The following GREB1L variants were observed in gnomAD, a reference collection of about 807,000 sequenced individuals.
GREB1L encodes GREB1-like protein.
GREB1L carries 17 observed loss-of-function variants against 200.8 expected under a neutral mutation model. The observed-to-expected ratio is 0.08, with a 90% CI of 0.06 to 0.13. The LOEUF (loss-of-function observed/expected upper bound fraction) is 0.13. Among genes scored for constraint, GREB1L ranks in the 10% least tolerant of loss-of-function variants. The pLI, the probability that GREB1L is intolerant of heterozygous loss-of-function variation, is 1.00. For missense variants in GREB1L, 1,657 were observed against 2,367.7 expected (o/e 0.70, Z 6.23); for synonymous variants, 789 against 893.0 (o/e 0.88, Z 2.08).
At chr18:21,384,870 A>G (rs2040473967) in intron 4 of GREB1L, among the ~76,000 whole-genome samples, 1 of 144,446 alleles carries the variant, frequency 6.9e-6, no homozygotes, top group Non-Finnish European at 1.5e-5. Flanking sequence ...CACTCATCCG[A>G]TATAGAGGAT....
intron 18 of GREB1L, among the ~76,000 whole-genome samples, chr18:21,489,628 G>A (rs1362499918): frequency 3.9e-5 from 6 of 152,064 alleles, no homozygotes; most frequent in African/African-American, 9.7e-5. Context: ...AGAATTTAAC[G>A]TGCATGCAAT....
chr18:21,416,884 A>G (rs1369345987), intron 7 of GREB1L, among the ~76,000 whole-genome samples: 1 of 150,454 alleles, frequency 6.6e-6, no homozygotes, highest in East Asian at 2.0e-4. Context: ...AGAATTAGCC[A>G]GGTGTGTTGG....
chr18:21,377,712 T>A (rs2040129357), intron 2 of GREB1L, among the ~76,000 whole-genome samples: 1 of 151,900 alleles, frequency 6.6e-6, no homozygotes, highest in Admixed American at 6.6e-5. Context: ...AAAATTTTTT[T>A]AAAAAATAGT....
At chr18:21,310,617 G>T (rs1450530934) in intron 1 of GREB1L, among the ~76,000 whole-genome samples, 1 of 152,090 alleles carries the variant, frequency 6.6e-6, no homozygotes, top group Non-Finnish European at 1.5e-5. Flanking sequence ...GATTAAAACA[G>T]TTTTGACTTT....
intron 9 of GREB1L, among the ~76,000 whole-genome samples, chr18:21,440,945 A>G (rs1392043449): frequency 2.0e-5 from 3 of 152,242 alleles, no homozygotes; most frequent in African/African-American, 7.2e-5. Flanking sequence ...ATAGTTTTAA[A>G]GACTACATAG....
rs2037090089 is a variant in GREB1L at position 21,508,101 on chromosome 18, C to G, written c.4369-17C>G. 6.4e-7 allele frequency: 1 copy of G among 1,550,534 alleles called. No homozygotes were observed. Among genetic ancestry groups the G allele is most frequent in the South Asian group, 1.2e-5 (1 of 84,042 alleles). On this transcript the variant is annotated splice_polypyrimidine_tract_variant and intron_variant, in intron 25 of 32. Transcript: ENST00000424526. ...GGGCTTACTTACGTTCCCTCCCTTTCTTCTTTGCAAATGTAGATGTCTGAC... is the reference window on the plus strand; with the variant it reads ...GGGCTTACTTACGTTCCCTCCCTTTGTTCTTTGCAAATGTAGATGTCTGAC...
chr18:21,307,113 TCCCAA>T (rs1270607628), intron 1 of GREB1L, among the ~76,000 whole-genome samples: 1 of 152,224 alleles, frequency 6.6e-6, no homozygotes, highest in Admixed American at 6.5e-5. Flanking sequence ...AATTTCCCAG[TCCCAA>T]CTGTCTTCTG....
chr18:21,458,103 G>A (rs927525747), intron 15 of GREB1L, among the ~76,000 whole-genome samples: 10 of 151,758 alleles, frequency 6.6e-5, no homozygotes, highest in African/African-American at 2.4e-4. Context: ...AGAGTAGCTG[G>A]GATTACAGGC....
At chr18:21,394,436 TGGA>T (rs2040957792) in intron 4 of GREB1L, among the ~76,000 whole-genome samples, 2 of 152,250 alleles carry the variant, frequency 1.3e-5, no homozygotes. Context: ...TGTGAGTTCT[TGGA>T]GGAAGTTATA....
At chr18:21,487,177 A>C (rs754271550) in intron 18 of GREB1L, among the ~76,000 whole-genome samples, 23 of 152,218 alleles carry the variant, frequency 1.5e-4, no homozygotes, top group Admixed American at 7.9e-4. Flanking sequence ...CCAGCTTGAA[A>C]TGCATCTTCT....
intron 17 of GREB1L, among the ~76,000 whole-genome samples, chr18:21,482,739 T>A (rs1444116991): frequency 7.0e-6 from 1 of 141,962 alleles, no homozygotes; most frequent in East Asian, 2.1e-4. Flanking sequence ...GCCAAGAGGG[T>A]AGTGAGACCA....
In GREB1L at chr18:21,430,994, T is replaced by TTTTATTTATTTA. The variant is rs59970232; in HGVS notation, c.833-8495_833-8484dup. ...GTATGTTGTGTTTAATTTTCATTTATTTTATTTATTTATTTATTTATTTAT... is the reference window on the plus strand; with the variant it reads ...GTATGTTGTGTTTAATTTTCATTTATTTTATTTATTTATTTATTTATTTATTTATTTATTTAT... On this transcript the variant is annotated intron_variant, in intron 7 of 32. Transcript: ENST00000424526. 5.5e-3 allele frequency among the ~76,000 whole-genome samples: 781 copies of TTTTATTTATTTA among 141,056 alleles called. 10 individuals are homozygous for TTTTATTTATTTA. Among genetic ancestry groups the TTTTATTTATTTA allele is most frequent in the African/African-American group, 0.019 (712 of 38,198 alleles). The allele number at this position is 141,056 out of a possible 152,430, so 92.5% of individuals were successfully genotyped here. A position where few individuals can be genotyped will look rare whatever the true frequency, so the allele number is the denominator to read the frequency against.
chr18:21,268,592 T>TATATATAC (rs1555623557), intron 1 of GREB1L, among the ~76,000 whole-genome samples: 3 of 128,354 alleles, frequency 2.3e-5, no homozygotes, highest in Non-Finnish European at 5.0e-5. Context: ...TATATATATA[T>TATATATAC]ACATGTATAT....
At chr18:21,279,847 G>C (rs563377037) in intron 1 of GREB1L, among the ~76,000 whole-genome samples, 1 of 152,082 alleles carries the variant, frequency 6.6e-6, no homozygotes, top group Admixed American at 6.5e-5. Flanking sequence ...GTACTTTATT[G>C]GTTGTTTTTT....
intron 1 of GREB1L, among the ~76,000 whole-genome samples, chr18:21,362,138 TAAAAA>T (rs35504931): frequency 3.3e-5 from 5 of 151,886 alleles, no homozygotes; most frequent in East Asian, 1.9e-4. Flanking sequence ...TTGCCAGCCT[TAAAAA>T]AAACCCAGAA....
chr18:21,292,266 G>C (rs2038461995), intron 1 of GREB1L, among the ~76,000 whole-genome samples: 1 of 152,146 alleles, frequency 6.6e-6, no homozygotes. Context: ...TGCACTGTCT[G>C]GTGCTGTGTT....
chr18:21,301,119 A>G (rs1337828436), intron 1 of GREB1L, among the ~76,000 whole-genome samples: 2 of 152,246 alleles, frequency 1.3e-5, no homozygotes, highest in Non-Finnish European at 2.9e-5. Context: ...GAGAATGTAA[A>G]TATTCCTGCA....
chr18:21,268,122 A>G (rs181504953), intron 1 of GREB1L, among the ~76,000 whole-genome samples: 151 of 152,184 alleles, frequency 9.9e-4, no homozygotes, highest in East Asian at 5.8e-3. Flanking sequence ...TTCCAGATGC[A>G]CTATTGGAAT....
Position 21,284,199 on chromosome 18 carries a change from A to G in GREB1L, c.-120+41806A>G, listed in dbSNP as rs9952479. On this transcript the variant is annotated intron_variant, in intron 1 of 32. Transcript: ENST00000424526. ...CTCTATTGAGCTATAATTCACATAA[A>G]ACTCACCCACTTAAAATGTACAATG... is the stretch of plus-strand genomic sequence containing the variant. Among the ~76,000 whole-genome samples, 380 of 152,270 alleles carry G rather than the reference A, an allele frequency of 2.5e-3. 2 individuals are homozygous for G. The highest frequency in any genetic ancestry group is 8.7e-3 in the African/African-American group (362 of 41,556).
Sources: allele counts gnomAD v4.1 joint callset (sites outside exome capture counted in the v4.1 genomes callset), GRCh38; gene constraint gnomAD v4.1.1; transcripts MANE v1.5; gene names NCBI Gene and HGNC (gene_info 2026-07-23, HGNC 2026-07-21).